Variants in RSRP1 observed in about 807,000 individuals in gnomAD.
RSRP1 encodes arginine/serine-rich protein 1.
RSRP1 carries 37 observed loss-of-function variants against 33.0 expected under a neutral mutation model. The ratio of observed to expected loss-of-function variants is 1.12; its 90% CI spans 0.86 to 1.48. The LOEUF (loss-of-function observed/expected upper bound fraction) is 1.48. Ranked by LOEUF, RSRP1 falls within the 40% of genes most tolerant of loss-of-function variation. The pLI, the probability that RSRP1 is intolerant of heterozygous loss-of-function variation, is 0.00. For missense variants in RSRP1, 402 were observed against 385.3 expected, an observed-to-expected ratio of 1.04 and a Z score of -0.36; for synonymous variants, 167 against 158.7, an observed-to-expected ratio of 1.05 and a Z score of -0.40.
intron 4 of RSRP1, 138 bp downstream of exon 4, chr1:25,243,412 T>C (rs1639052709): frequency 5.3e-6 from 6 of 1,132,700 alleles, no homozygotes; most frequent in Non-Finnish European, 7.3e-6. Context: ...TAAAAGTGGC[T>C]CAAAAACAAA....
intron 1 of RSRP1, among the ~76,000 whole-genome samples, chr1:25,280,355 G>C (rs1233962728): frequency 1.6e-5 from 2 of 124,222 alleles, no homozygotes; most frequent in African/African-American, 5.6e-5. Context: ...ATCCAGGCTG[G>C]AGTACAGTGG....
chr1:25,251,892 ATTT>A (rs58495891), upstream of RSRP1, among the ~76,000 whole-genome samples: 4 of 141,168 alleles, frequency 2.8e-5, no homozygotes, highest in African/African-American at 5.2e-5. Context: ...CCACATATAG[ATTT>A]TTTTTTTTTT....
intron 1 of RSRP1, among the ~76,000 whole-genome samples, chr1:25,291,289 G>T: frequency 7.7e-6 from 1 of 129,650 alleles, no homozygotes; most frequent in African/African-American, 2.6e-5. Flanking sequence ...GTCAACATGG[G>T]GGAACCTCAT....
intron 1 of RSRP1, among the ~76,000 whole-genome samples, chr1:25,287,353 T>C (rs1456635215): frequency 7.4e-6 from 1 of 135,282 alleles, no homozygotes; most frequent in Non-Finnish European, 1.8e-5. Context: ...CTTGACTCAA[T>C]CTAGAAAGAC....
rs1386602402 is a variant in RSRP1 at position 25,315,478 on chromosome 1, A to G, written c.-67+22500T>C. On this transcript the variant is annotated intron_variant, in intron 1 of 1. Coordinates refer to the RSRP1 transcript ENST00000561867. ...GGTGGCAACTCTTTTTATCTTTTTA[A>G]TTTATTTTTCTTTTCTTTCTTTCTT... is the stretch of plus-strand genomic sequence containing the variant. Among the ~76,000 whole-genome samples, 11 of 124,180 alleles carry G rather than the reference A, an allele frequency of 8.9e-5. 3 individuals carry two copies. Among genetic ancestry groups the G allele is most frequent in the Admixed American group, 2.3e-4 (3 of 12,850 alleles). 81.5% of individuals were successfully genotyped at this position (124,180 alleles called of 152,430 possible).
At chr1:25,320,222 A>G (rs1200157299) in intron 1 of RSRP1, among the ~76,000 whole-genome samples, 1 of 132,054 alleles carries the variant, frequency 7.6e-6, no homozygotes, top group African/African-American at 2.6e-5. Flanking sequence ...ACTGGACACA[A>G]GAACACAAAA....
chr1:25,329,238 T>G (rs28569996), intron 1 of RSRP1: 1 of 176,606 alleles, frequency 5.7e-6, no homozygotes, highest in South Asian at 6.1e-5. Flanking sequence ...TTATTCCTTG[T>G]TTTTTTTTTT....
At position 25,281,428 on chromosome 1, in the gene RSRP1, C is replaced by T. The variant is rs1450271950; in HGVS notation, c.-66-34399G>A. On this transcript the variant is annotated intron_variant, in intron 1 of 1. Transcript: ENST00000561867. The stretch of plus-strand genomic sequence containing the variant: ...ATGGAATCTTCAATAAGTCTGGGCC[C>T]TATGCATATAGCATTGCTACAAAAT... Among the ~76,000 whole-genome samples the T allele has an allele frequency of 1.5e-5, 2 of 131,942 alleles. 1 individual carries two copies. Among genetic ancestry groups the T allele is most frequent in the Middle Eastern group, 7.4e-3 (2 of 270 alleles). 86.6% of individuals were successfully genotyped at this position (131,942 alleles called of 152,430 possible). A position where few individuals can be genotyped will look rare whatever the true frequency, so the allele number is the denominator to read the frequency against.
chr1:25,260,456 A>G (rs1043254258), intron 1 of RSRP1, among the ~76,000 whole-genome samples: 4 of 152,176 alleles, frequency 2.6e-5, no homozygotes, highest in African/African-American at 9.7e-5. Context: ...CACAGCACAT[A>G]AAACAGAAGG....
intron 1 of RSRP1, among the ~76,000 whole-genome samples, chr1:25,291,324 C>T (rs1642485263): frequency 7.7e-6 from 1 of 130,506 alleles, no homozygotes; most frequent in African/African-American, 2.6e-5. Context: ...CAAAATTTAG[C>T]TGGGCATGGT....
intron 1 of RSRP1, chr1:25,284,678 C>G (rs139501061): frequency 2.9e-6 from 4 of 1,388,864 alleles, no homozygotes; most frequent in African/African-American, 2.8e-5. Flanking sequence ...TTCATGCTGG[C>G]GCTTGGTGTG....
chr1:25,263,720 A>C (rs1031947877), intron 1 of RSRP1, among the ~76,000 whole-genome samples: 1 of 151,804 alleles, frequency 6.6e-6, no homozygotes, highest in Non-Finnish European at 1.5e-5. Flanking sequence ...CCATCCCAAC[A>C]GTCCCTCAAA....
At chr1:25,285,688 G>A (rs1286820379) in intron 1 of RSRP1, among the ~76,000 whole-genome samples, 4 of 135,338 alleles carry the variant, frequency 3.0e-5, no homozygotes, top group African/African-American at 1.0e-4. Flanking sequence ...ATGTTCACCT[G>A]GGTGATGATT....
At chr1:25,254,563 G>A (rs1289941757) in intron 1 of RSRP1, among the ~76,000 whole-genome samples, 1 of 152,150 alleles carries the variant, frequency 6.6e-6, no homozygotes, top group East Asian at 1.9e-4. Flanking sequence ...AGCCTCCTGA[G>A]TAGCTGGGAT....
upstream of RSRP1, among the ~76,000 whole-genome samples, chr1:25,250,191 G>A (rs1318042970): frequency 1.3e-5 from 2 of 152,198 alleles, no homozygotes; most frequent in Admixed American, 1.3e-4. Context: ...TCCAGGTACA[G>A]GGGCTTAAAC....
Position 25,267,817 on chromosome 1 carries a change from A to G in RSRP1, c.-66-20788T>C, listed in dbSNP as rs1182768722. The stretch of plus-strand genomic sequence containing the variant: ...GCACACAGAGCAACTTCTCACGCCT[A>G]CTCTCAAATGGCGTACTCCAAACTA... On this transcript the variant is annotated intron_variant, in intron 1 of 1. Transcript: ENST00000561867. The G allele has an allele frequency of 4.7e-4, 62 of 130,638 alleles. 9 individuals are homozygous for G. The highest frequency in any genetic ancestry group is 1.3e-3 in the African/African-American group (51 of 38,318). The allele number at this position is 130,638 out of a possible 1,614,324, so 8.1% of individuals were successfully genotyped here.
intron 1 of RSRP1, chr1:25,290,762 C>A: frequency 7.3e-7 from 1 of 1,377,084 alleles, no homozygotes. Context: ...TTTAGGCAAC[C>A]TGAGGATGGT....
upstream of RSRP1, among the ~76,000 whole-genome samples, chr1:25,249,729 T>A (rs527613563): frequency 6.6e-6 from 1 of 152,344 alleles, no homozygotes; most frequent in East Asian, 1.9e-4. Context: ...CTCAAAAACA[T>A]ACGCGGTCTA....
chr1:25,251,972 C>T (rs1244028824), upstream of RSRP1, among the ~76,000 whole-genome samples: 1 of 151,862 alleles, frequency 6.6e-6, no homozygotes, highest in African/African-American at 2.4e-5. Flanking sequence ...CTTACTGCCA[C>T]CTCTGCCTCC....
Sources: gnomAD v4.1 joint callset for allele counts (sites outside exome capture counted in the v4.1 genomes callset) on GRCh38, gnomAD v4.1.1 for gene constraint, MANE v1.5 for transcripts, NCBI Gene and HGNC (gene_info 2026-07-23, HGNC 2026-07-21) for gene names.